The following PLCXD3 variants were observed in gnomAD, a reference collection of about 807,000 sequenced individuals.
PLCXD3 encodes PI-PLC X domain-containing protein 3.
In PLCXD3, 19 loss-of-function variants were observed where a neutral mutation model predicts 25.5. That is an observed-to-expected ratio of 0.75 (90% CI 0.52 to 1.09). PLCXD3 has a LOEUF of 1.09. Ranked by LOEUF, PLCXD3 falls within the 50% of genes least tolerant of loss-of-function variation. The pLI, the probability that PLCXD3 is intolerant of heterozygous loss-of-function variation, is 0.00. For missense variants in PLCXD3, 411 were observed against 388.1 expected (o/e 1.06, Z -0.50); for synonymous variants, 174 against 137.6 (o/e 1.26, Z -1.85).
chr5:41,363,873 A>G (rs1283359556), intron 2 of PLCXD3, among the ~76,000 whole-genome samples: 1 of 152,252 alleles, frequency 6.6e-6, no homozygotes, highest in African/African-American at 2.4e-5. Context: ...AAAAATGTGT[A>G]AGCTTTGTCA....
chr5:41,349,037 T>C (rs999469448), intron 2 of PLCXD3, among the ~76,000 whole-genome samples: 1 of 152,210 alleles, frequency 6.6e-6, no homozygotes, highest in African/African-American at 2.4e-5. Context: ...TGTGATTTAC[T>C]CATCTTTTCT....
intron 1 of PLCXD3, among the ~76,000 whole-genome samples, chr5:41,383,067 A>G (rs1285462782): frequency 6.6e-6 from 1 of 152,106 alleles, no homozygotes; most frequent in Non-Finnish European, 1.5e-5. Flanking sequence ...GAAAGGAGAA[A>G]TAAGACAAGA....
At chr5:41,371,174 A>C (rs1333996495) in intron 2 of PLCXD3, among the ~76,000 whole-genome samples, 1 of 152,176 alleles carries the variant, frequency 6.6e-6, no homozygotes, top group Non-Finnish European at 1.5e-5. Context: ...TGTTTTAATG[A>C]GAAAAAGAAC....
intron 1 of PLCXD3, among the ~76,000 whole-genome samples, chr5:41,476,587 T>C (rs562312484): frequency 9.9e-5 from 15 of 152,228 alleles, no homozygotes; most frequent in Non-Finnish European, 2.1e-4. Context: ...GTGACTCCAC[T>C]GGGAAAGGAC....
intron 2 of PLCXD3, among the ~76,000 whole-genome samples, chr5:41,329,412 A>G (rs1309826457): frequency 5.9e-5 from 9 of 152,308 alleles, no homozygotes; most frequent in Admixed American, 3.3e-4. Flanking sequence ...CAGGCTAAGG[A>G]CTCAGTAAAT....
intron 1 of PLCXD3, among the ~76,000 whole-genome samples, chr5:41,414,338 G>C (rs75037831): frequency 0.018 from 2,776 of 152,186 alleles, 71 homozygotes; most frequent in South Asian, 0.13. Context: ...CAGTAGCTGG[G>C]ATTATAGGTA....
chr5:41,314,525 G>C (rs899787047), intron 2 of PLCXD3, among the ~76,000 whole-genome samples: 1 of 152,212 alleles, frequency 6.6e-6, no homozygotes, highest in Non-Finnish European at 1.5e-5. Context: ...TCTGCAGGTA[G>C]GGAGGAGAGA....
intron 2 of PLCXD3, among the ~76,000 whole-genome samples, chr5:41,315,504 G>T (rs575776284): frequency 2.6e-5 from 4 of 151,806 alleles, no homozygotes; most frequent in East Asian, 1.9e-4. Flanking sequence ...AGAAGGCTCC[G>T]CATACCCCTG....
chr5:41,422,064 T>A (rs533000507), intron 1 of PLCXD3, among the ~76,000 whole-genome samples: 13 of 152,304 alleles, frequency 8.5e-5, no homozygotes, highest in African/African-American at 2.6e-4. Context: ...TGTATTAATT[T>A]AAACACACTT....
chr5:41,472,986 A>AAATAATAAAT (rs1408302458), intron 1 of PLCXD3, among the ~76,000 whole-genome samples: 6 of 152,234 alleles, frequency 3.9e-5, no homozygotes, highest in Non-Finnish European at 5.9e-5. Context: ...GGCTAATCCA[A>AAATAATAAAT]AATAATAAAT....
chr5:41,461,314 C>T lies in PLCXD3; in HGVS notation c.103+49110G>A, dbSNP rs547928190. ...GTAAAGCATGACTGAAACATTTTTTCTTTCTTTCTTTTTTTGGTATCCTAC... is the reference window on the plus strand; with the variant it reads ...GTAAAGCATGACTGAAACATTTTTTTTTTCTTTCTTTTTTTGGTATCCTAC... On this transcript the variant is annotated intron_variant, in intron 1 of 2. Coordinates refer to ENST00000377801, the MANE Select transcript of PLCXD3 (RefSeq NM_001005473.3). Among the ~76,000 whole-genome samples the T allele has an allele frequency of 9.9e-5, 15 of 151,982 alleles. No individual in the cohort carries two copies. In the East Asian group the frequency reaches 2.1e-3, roughly 22 times the overall value.
intron 2 of PLCXD3, among the ~76,000 whole-genome samples, chr5:41,381,566 G>A (rs1184308957): frequency 6.6e-6 from 1 of 152,050 alleles, no homozygotes; most frequent in Non-Finnish European, 1.5e-5. Flanking sequence ...CCAGAACCTA[G>A]GAGAGAGGCA....
In PLCXD3 at chr5:41,408,705, T is replaced by C. The variant is rs1231289575; in HGVS notation, c.104-26171A>G. Among the ~76,000 whole-genome samples the C allele has an allele frequency of 4.6e-5, 7 of 152,288 alleles. No individual in the cohort carries two copies. The East Asian group carries it at 1.3e-3, about 29-fold the overall frequency. On this transcript the variant is annotated intron_variant, in intron 1 of 2. Coordinates refer to ENST00000377801, the MANE Select transcript of PLCXD3 (RefSeq NM_001005473.3). ...CAATCCGCACATCTTTATTAAGAAG[T>C]CAAACACAAGTCTGTGGCCATAAGA...
At chr5:41,411,044 A>G (rs1746505655) in intron 1 of PLCXD3, among the ~76,000 whole-genome samples, 1 of 152,176 alleles carries the variant, frequency 6.6e-6, no homozygotes, top group Admixed American at 6.5e-5. Context: ...AGATTAGATA[A>G]AAACAAGTCC....
intron 1 of PLCXD3, among the ~76,000 whole-genome samples, chr5:41,477,718 G>A (rs756521523): frequency 2.0e-5 from 3 of 152,080 alleles, no homozygotes; most frequent in East Asian, 3.9e-4. Flanking sequence ...AAGTCATTCT[G>A]AAGAGGCTGT....
intron 1 of PLCXD3, among the ~76,000 whole-genome samples, chr5:41,477,690 A>C (rs1345918264): frequency 2.0e-5 from 3 of 151,812 alleles, no homozygotes; most frequent in East Asian, 1.9e-4. Context: ...TAAAAAAAAA[A>C]CCTCATCTGG....
chr5:41,461,490 T>G (rs1390581219), intron 1 of PLCXD3, among the ~76,000 whole-genome samples: 1 of 151,986 alleles, frequency 6.6e-6, no homozygotes. Context: ...CCATAAAGTG[T>G]GCTACAAAAC....
intron 1 of PLCXD3, among the ~76,000 whole-genome samples, chr5:41,384,023 T>G (rs1473433991): frequency 3.3e-5 from 5 of 152,078 alleles, no homozygotes; most frequent in Admixed American, 3.3e-4. Context: ...AAGAAAATAA[T>G]TTGTAAAATA....
intron 2 of PLCXD3, among the ~76,000 whole-genome samples, chr5:41,350,789 A>T (rs1348240633): frequency 1.2e-4 from 18 of 152,236 alleles, no homozygotes; most frequent in Admixed American, 1.2e-3. Context: ...GTTACCTCTT[A>T]AAGTGTAATA....
Sources: gnomAD v4.1 joint callset for allele counts (sites outside exome capture counted in the v4.1 genomes callset) on GRCh38, gnomAD v4.1.1 for gene constraint, MANE v1.5 for transcripts, NCBI Gene and HGNC (gene_info 2026-07-23, HGNC 2026-07-21) for gene names.